The following CTNND2 variants were observed in gnomAD, a reference collection of about 807,000 sequenced individuals.
CTNND2 encodes catenin delta-2.
A neutral mutation model predicts 144.4 loss-of-function variants in CTNND2; 22 were observed. That is an observed-to-expected ratio of 0.15 (90% confidence interval 0.11 to 0.22). CTNND2 has a LOEUF of 0.22. Among genes scored for constraint, CTNND2 ranks in the 10% least tolerant of loss-of-function variants. The pLI is 1.00. For synonymous variants in CTNND2, 751 were observed against 695.6 expected (o/e 1.08, Z -1.25); for missense variants, 1,353 against 1,618.8 (o/e 0.84, Z 2.82).
chr5:11,389,555 A>G (rs1759435559), intron 6 of CTNND2, among the ~76,000 whole-genome samples: 1 of 152,126 alleles, frequency 6.6e-6, no homozygotes, highest in Non-Finnish European at 1.5e-5. Context: ...ATTGATATCT[A>G]TTTTATAGAA....
chr5:11,008,961 G>A (rs866997050), intron 18 of CTNND2, among the ~76,000 whole-genome samples: 1 of 152,200 alleles, frequency 6.6e-6, no homozygotes, highest in Admixed American at 6.5e-5. Flanking sequence ...ACTGACCATG[G>A]AGCCATGAAC....
At chr5:10,999,938 A>T (rs1332321143) in intron 18 of CTNND2, among the ~76,000 whole-genome samples, 1 of 152,234 alleles carries the variant, frequency 6.6e-6, no homozygotes. Flanking sequence ...TGTGCACGAC[A>T]ATCGGGCGAT....
chr5:11,525,281 C>T (rs1554076828), intron 3 of CTNND2, among the ~76,000 whole-genome samples: 1 of 152,150 alleles, frequency 6.6e-6, no homozygotes, highest in Non-Finnish European at 1.5e-5. Flanking sequence ...GAAACCGCCT[C>T]TTTGTGTAGT....
intron 3 of CTNND2, among the ~76,000 whole-genome samples, chr5:11,518,117 A>T (rs191069935): frequency 1.2e-4 from 19 of 152,346 alleles, no homozygotes; most frequent in African/African-American, 3.4e-4. Context: ...AATGGGCCGC[A>T]TATAAGATGG....
At chr5:11,250,491 C>CTCTATATATATATATATATATATATA (rs869141186) in intron 9 of CTNND2, among the ~76,000 whole-genome samples, 2 of 64,116 alleles carry the variant, frequency 3.1e-5, no homozygotes, top group Non-Finnish European at 5.0e-5. Flanking sequence ...CTCTCTCTCT[C>CTCTATATATATATATATATATATATA]TATATATATA....
intron 3 of CTNND2, among the ~76,000 whole-genome samples, chr5:11,516,894 T>C (rs1245709121): frequency 6.6e-6 from 1 of 152,180 alleles, no homozygotes; most frequent in Non-Finnish European, 1.5e-5. Flanking sequence ...AAAGACTAAA[T>C]TTTGAGAACT....
At chr5:11,200,787 T>C (rs1046149996) in intron 10 of CTNND2, among the ~76,000 whole-genome samples, 1 of 152,200 alleles carries the variant, frequency 6.6e-6, no homozygotes, top group African/African-American at 2.4e-5. Flanking sequence ...CACGCCATTC[T>C]CCTGCCTCAG....
chr5:11,473,625 G>T (rs1767449143), intron 3 of CTNND2, among the ~76,000 whole-genome samples: 1 of 152,194 alleles, frequency 6.6e-6, no homozygotes, highest in South Asian at 2.1e-4. Context: ...TCCCAGAAAA[G>T]ATGTTCATAT....
intron 9 of CTNND2, among the ~76,000 whole-genome samples, chr5:11,335,175 A>G (rs1753613006): frequency 6.6e-6 from 1 of 152,228 alleles, no homozygotes; most frequent in South Asian, 2.1e-4. Context: ...TAGGATTGTC[A>G]AACTTGAAAT....
intron 9 of CTNND2, among the ~76,000 whole-genome samples, chr5:11,265,736 CG>C (rs1200474499): frequency 7.9e-6 from 1 of 126,016 alleles, no homozygotes; most frequent in Non-Finnish European, 1.6e-5. Flanking sequence ...GATGGAGTCT[CG>C]CTCTGTAGCC....
At chr5:11,244,107 G>A (rs553471857) in intron 9 of CTNND2, among the ~76,000 whole-genome samples, 1 of 152,242 alleles carries the variant, frequency 6.6e-6, no homozygotes, top group African/African-American at 2.4e-5. Flanking sequence ...GTTAGGAAGG[G>A]TGCAGGGGTG....
chr5:11,612,208 G>C (rs560154897), intron 2 of CTNND2, among the ~76,000 whole-genome samples: 1 of 152,246 alleles, frequency 6.6e-6, no homozygotes, highest in East Asian at 1.9e-4. Flanking sequence ...TTGTTGACTT[G>C]GGGAATTAAG....
In CTNND2 at chr5:11,323,910, G is replaced by A. The variant is rs114281410; in HGVS notation, c.1628+22462C>T. On this transcript the variant is annotated intron_variant, in intron 9 of 21. Coordinates refer to ENST00000304623, the MANE Select transcript of CTNND2 (RefSeq NM_001332.4). ...CTAGCCAGGAACAGGATTCCCCAGC[G>A]AGGAATGGGGAATCACCCTTGCTTT... Among the ~76,000 whole-genome samples the A allele has an allele frequency of 1.9e-3, 283 of 152,172 alleles. 1 individual carries two copies. The highest frequency in any genetic ancestry group is 3.4e-3 in the Middle Eastern group (1 of 294).
chr5:11,097,613 C>G (rs1751479804), intron 15 of CTNND2, among the ~76,000 whole-genome samples: 1 of 152,072 alleles, frequency 6.6e-6, no homozygotes, highest in African/African-American at 2.4e-5. Context: ...AGGCAGACAT[C>G]CAAAGGAATA....
intron 1 of CTNND2, among the ~76,000 whole-genome samples, chr5:11,901,432 A>T (rs1455582414): frequency 6.6e-6 from 1 of 152,266 alleles, no homozygotes; most frequent in African/African-American, 2.4e-5. Flanking sequence ...GCATTTGCAA[A>T]CTAGTATTTG....
At chr5:11,527,612 G>A (rs1773373640) in intron 3 of CTNND2, among the ~76,000 whole-genome samples, 1 of 152,136 alleles carries the variant, frequency 6.6e-6, no homozygotes, top group Admixed American at 6.5e-5. Flanking sequence ...CAGTTCCAAG[G>A]CATCTCTGAG....
At chr5:11,890,282 ATCC>A (rs943097055) in intron 1 of CTNND2, among the ~76,000 whole-genome samples, 125 of 152,262 alleles carry the variant, frequency 8.2e-4, no homozygotes, top group African/African-American at 2.9e-3. Context: ...TATTTAACAT[ATCC>A]TCCTGCCACA....
At chr5:11,214,141 T>C (rs914265454) in intron 10 of CTNND2, among the ~76,000 whole-genome samples, 1 of 152,204 alleles carries the variant, frequency 6.6e-6, no homozygotes, top group Admixed American at 6.5e-5. Flanking sequence ...AGATTTTCAG[T>C]TCTGGAGTGT....
chr5:11,620,924 G>A (rs1453572877), intron 2 of CTNND2, among the ~76,000 whole-genome samples: 1 of 152,132 alleles, frequency 6.6e-6, no homozygotes, highest in African/African-American at 2.4e-5. Flanking sequence ...CCTCAACATG[G>A]CCCTGATGGA....
Sources: gnomAD v4.1 joint callset for allele counts (sites outside exome capture counted in the v4.1 genomes callset) on GRCh38, gnomAD v4.1.1 for gene constraint, MANE v1.5 for transcripts, NCBI Gene and HGNC (gene_info 2026-07-23, HGNC 2026-07-21) for gene names.